The following HNF4A variants were observed in gnomAD, a reference collection of about 807,000 sequenced individuals.
The protein encoded by HNF4A is hepatocyte nuclear factor 4 alpha, also known as hepatocyte nuclear factor 4-alpha.
A neutral mutation model predicts 52.4 loss-of-function variants in HNF4A; 15 were observed. The observed-to-expected ratio is 0.29, with a 90% CI of 0.19 to 0.44. The LOEUF (loss-of-function observed/expected upper bound fraction) is 0.44. Among genes scored for constraint, HNF4A ranks in the 20% least tolerant of loss-of-function variants. The pLI is 1.00. For synonymous variants in HNF4A, 280 were observed against 264.4 expected (o/e 1.06, Z -0.57); for missense variants, 479 against 647.2 (o/e 0.74, Z 2.82).
rs1440925661 is a variant in HNF4A at position 44,429,798 on chromosome 20, G to A, written c.*133G>A. On this transcript the variant is annotated 3_prime_UTR_variant, in exon 10 of 10. Transcript: ENST00000316099. Reference sequence around the variant, plus strand: ...CAGAGCAGGAATGGGAAGGATGAAGGGCCCGAGAACATGGCCTAAGGGCCA... The same window carrying A: ...CAGAGCAGGAATGGGAAGGATGAAGAGCCCGAGAACATGGCCTAAGGGCCA... 32 of 946,956 alleles carry A rather than the reference G, an allele frequency of 3.4e-5. No homozygotes were observed. The highest frequency in any genetic ancestry group is 4.5e-5 in the Non-Finnish European group (28 of 615,422). 58.7% of individuals were successfully genotyped at this position (946,956 alleles called of 1,614,324 possible).
At chr20:44,391,135 T>A (rs1259218171) in intron 1 of HNF4A, among the ~76,000 whole-genome samples, 18 of 152,120 alleles carry the variant, frequency 1.2e-4, no homozygotes, top group Non-Finnish European at 1.5e-5. Context: ...GCTCCAGGCA[T>A]GGGGTCCCCT....
intron 3 of HNF4A, among the ~76,000 whole-genome samples, chr20:44,409,960 C>G (rs985723221): frequency 1.3e-5 from 2 of 152,188 alleles, no homozygotes; most frequent in African/African-American, 4.8e-5. Context: ...GCCTCAGCCT[C>G]CCAAGTAGCT....
intron 3 of HNF4A, among the ~76,000 whole-genome samples, chr20:44,413,433 C>G (rs903572259): frequency 6.6e-6 from 1 of 152,056 alleles, no homozygotes; most frequent in Non-Finnish European, 1.5e-5. Context: ...AACCCATAGC[C>G]GAGTCTTCAC....
intron 1 of HNF4A, chr20:44,390,536 C>A: frequency 1.5e-6 from 1 of 688,576 alleles, no homozygotes; most frequent in South Asian, 1.5e-5. Context: ...TAACTCTGCC[C>A]AGCGGCCCTC....
intron 1 of HNF4A, among the ~76,000 whole-genome samples, chr20:44,392,826 C>T (rs1307834507): frequency 6.6e-6 from 1 of 152,132 alleles, no homozygotes; most frequent in South Asian, 2.1e-4. Context: ...TACATGAAGC[C>T]CTAGGGCAAA....
chr20:44,405,743 T>C (rs1275122374), intron 1 of HNF4A, among the ~76,000 whole-genome samples: 1 of 151,908 alleles, frequency 6.6e-6, no homozygotes, highest in Non-Finnish European at 1.5e-5. Flanking sequence ...CCCTTGCGAG[T>C]TAGGAGGCCG....
chr20:44,372,464 C>T (rs1381697484), intron 1 of HNF4A, among the ~76,000 whole-genome samples: 1 of 152,222 alleles, frequency 6.6e-6, no homozygotes, highest in Non-Finnish European at 1.5e-5. Context: ...TCCAGAACTC[C>T]AGGCATGTCT....
At chr20:44,388,767 G>C (rs986641167) in intron 1 of HNF4A, among the ~76,000 whole-genome samples, 5 of 152,212 alleles carry the variant, frequency 3.3e-5, no homozygotes, top group African/African-American at 4.8e-5. Context: ...GACGCCCTCC[G>C]GCCCAGCGCG....
At chr20:44,378,713 A>G (rs944432946) in intron 1 of HNF4A, among the ~76,000 whole-genome samples, 3 of 152,086 alleles carry the variant, frequency 2.0e-5, no homozygotes, top group Non-Finnish European at 4.4e-5. Flanking sequence ...GGAGGCTAAC[A>G]TGGAGAAACC....
At chr20:44,389,275 A>G (rs1361429922) in intron 1 of HNF4A, among the ~76,000 whole-genome samples, 1 of 152,010 alleles carries the variant, frequency 6.6e-6, no homozygotes, top group Non-Finnish European at 1.5e-5. Flanking sequence ...TTTTTCATGT[A>G]TTTACTTGCT....
intron 1 of HNF4A, among the ~76,000 whole-genome samples, chr20:44,367,423 A>C (rs2062980964): frequency 6.6e-6 from 1 of 151,570 alleles, no homozygotes; most frequent in Non-Finnish European, 1.5e-5. Context: ...AGGCAGACAG[A>C]TCATGAGGTC....
At chr20:44,424,756 G>T in intron 8 of HNF4A, 1 of 364,178 alleles carries the variant, frequency 2.7e-6, no homozygotes, top group South Asian at 3.1e-5. Flanking sequence ...AGGCTTAAAA[G>T]ACAAGAGAGG....
chr20:44,402,439 C>G (rs763942692), intron 1 of HNF4A: 1 of 502,410 alleles, frequency 2.0e-6, no homozygotes, highest in Non-Finnish European at 3.6e-6. Flanking sequence ...GTGCTGCGGG[C>G]GGGGGTCAGC....
In HNF4A at chr20:44,420,873, C is replaced by T. The variant is rs186883067; in HGVS notation, c.892+997C>T. On this transcript the variant is annotated intron_variant, in intron 7 of 9. Transcript: ENST00000316099. ...ACACATACTTAAAATGCAAATACTT[C>T]TCCCCATCCTACTTTTCCAGCTCTA... Among the ~76,000 whole-genome samples, 157 of 152,214 alleles carry T rather than the reference C, an allele frequency of 1.0e-3. 1 individual carries two copies. In the East Asian group the frequency reaches 0.021, roughly 20 times the overall value.
rs140446007 is a variant in HNF4A at position 44,418,348 on chromosome 20, G to A, written c.649-77G>A. 902 of 1,152,732 alleles carry A rather than the reference G, an allele frequency of 7.8e-4. 9 individuals carry two copies. In the African/African-American group the frequency reaches 0.012, roughly 15 times the overall value. 71.4% of individuals were successfully genotyped at this position (1,152,732 alleles called of 1,614,324 possible). A position where few individuals can be genotyped will look rare whatever the true frequency, so the allele number is the denominator to read the frequency against. On this transcript the variant is annotated intron_variant, in intron 5 of 9. Coordinates refer to ENST00000316099, the MANE Select transcript of HNF4A (RefSeq NM_000457.6). Reference sequence around the variant, plus strand: ...GCAGAGGGGAGCATTAAGCTGACTTGCCCAGCGTCACTGAGTTGGCTACGG... The same window carrying A: ...GCAGAGGGGAGCATTAAGCTGACTTACCCAGCGTCACTGAGTTGGCTACGG...
At chr20:44,391,197 C>G (rs1318002961) in intron 1 of HNF4A, among the ~76,000 whole-genome samples, 1 of 152,172 alleles carries the variant, frequency 6.6e-6, no homozygotes, top group Non-Finnish European at 1.5e-5. Flanking sequence ...CTCCCTGCCT[C>G]TCATCCTCCT....
intron 1 of HNF4A, among the ~76,000 whole-genome samples, chr20:44,404,830 TG>T (rs2063466351): frequency 1.8e-3 from 1 of 568 alleles, no homozygotes; most frequent in African/African-American, 4.8e-3. Flanking sequence ...GTGTGAACTG[TG>T]GTGTGTGTGT....
intron 1 of HNF4A, among the ~76,000 whole-genome samples, chr20:44,392,686 C>T (rs1363655273): frequency 2.0e-5 from 3 of 152,154 alleles, no homozygotes; most frequent in African/African-American, 7.2e-5. Context: ...TCTATTTCAT[C>T]TTCAGAGATG....
At chr20:44,396,543 C>T (rs757811005), upstream of HNF4A, among the ~76,000 whole-genome samples, 1 of 152,008 alleles carries the variant, frequency 6.6e-6, no homozygotes, top group Non-Finnish European at 1.5e-5. Context: ...AGCTGGGGCC[C>T]GACAGCAAGT....
Sources: gnomAD v4.1 joint callset for allele counts (sites outside exome capture counted in the v4.1 genomes callset) on GRCh38, gnomAD v4.1.1 for gene constraint, MANE v1.5 for transcripts, NCBI Gene and HGNC (gene_info 2026-07-23, HGNC 2026-07-21) for gene names.